The following ABCA1 variants were observed in gnomAD, a reference collection of about 807,000 sequenced individuals.
The protein encoded by ABCA1 is ATP binding cassette subfamily A member 1.
ABCA1 carries 133 observed loss-of-function variants against 262.5 expected under a neutral mutation model. That is an observed-to-expected ratio of 0.51 (90% CI 0.44 to 0.59). The LOEUF is 0.59. Among genes scored for constraint, ABCA1 ranks in the 20% least tolerant of loss-of-function variants. ABCA1 has a pLI of 0.00. For missense variants in ABCA1, 2,452 were observed against 2,777.5 expected, an observed-to-expected ratio of 0.88 and a Z score of 2.63; for synonymous variants, 1,022 against 1,043.5, an observed-to-expected ratio of 0.98 and a Z score of 0.40.
intron 5 of ABCA1, among the ~76,000 whole-genome samples, chr9:104,877,617 C>G (rs1838266854): frequency 6.6e-6 from 1 of 152,278 alleles, no homozygotes; most frequent in South Asian, 2.1e-4. Context: ...GAAGGGGAAG[C>G]AAAGCAACTC....
chr9:104,870,755 G>A (rs1004120293), intron 5 of ABCA1, among the ~76,000 whole-genome samples: 19 of 152,194 alleles, frequency 1.2e-4, no homozygotes, highest in African/African-American at 4.1e-4. Flanking sequence ...GGCTGAGTCC[G>A]AAAAGAGAGT....
chr9:104,883,244 A>G (rs1172171300), intron 4 of ABCA1, 87 bp from the exon 5 acceptor site: 2 of 1,203,842 alleles, frequency 1.7e-6, no homozygotes, highest in African/African-American at 3.0e-5. Context: ...AGTGCATAGA[A>G]CTCAGCCTGG....
chr9:104,859,015 G>C (rs957390687), intron 6 of ABCA1, among the ~76,000 whole-genome samples: 2 of 152,170 alleles, frequency 1.3e-5, no homozygotes, highest in Admixed American at 6.5e-5. Context: ...TTGGCAAACA[G>C]GAATCCAGAG....
intron 3 of ABCA1, among the ~76,000 whole-genome samples, chr9:104,886,745 G>T (rs1839213386): frequency 6.6e-6 from 1 of 152,214 alleles, no homozygotes; most frequent in Non-Finnish European, 1.5e-5. Context: ...GTAGGATCAG[G>T]ACTAGGCAGT....
intron 6 of ABCA1, among the ~76,000 whole-genome samples, chr9:104,859,856 G>A (rs1346045237): frequency 6.6e-6 from 1 of 152,068 alleles, no homozygotes; most frequent in East Asian, 1.9e-4. Flanking sequence ...TTCAAGACCA[G>A]TCTGGCCAAC....
chr9:104,889,630 A>G (rs952264749), intron 2 of ABCA1, among the ~76,000 whole-genome samples: 1 of 152,182 alleles, frequency 6.6e-6, no homozygotes, highest in Admixed American at 6.5e-5. Flanking sequence ...CTCTGAAAGC[A>G]GGCACCCATC....
chr9:104,927,554 G>C (rs1826450534), intron 1 of ABCA1: 2 of 152,408 alleles, frequency 1.3e-5, no homozygotes, highest in Non-Finnish European at 2.9e-5. Flanking sequence ...TTTCTAGCCA[G>C]CTCAGGGCCC....
At chr9:104,853,714 A>C (rs1038170957) in intron 7 of ABCA1, among the ~76,000 whole-genome samples, 2 of 152,220 alleles carry the variant, frequency 1.3e-5, no homozygotes, top group Non-Finnish European at 2.9e-5. Flanking sequence ...GTACATTAAA[A>C]ACCCTAATAG....
At chr9:104,786,734 A>G in intron 47 of ABCA1, 139 bp downstream of exon 47, 1 of 825,126 alleles carries the variant, frequency 1.2e-6, no homozygotes. Flanking sequence ...TTTTTGTAAG[A>G]ATATGCATAT....
intron 31 of ABCA1, 31 bp downstream of exon 31, chr9:104,806,210 T>C (rs1433554301): frequency 6.2e-7 from 1 of 1,609,008 alleles, no homozygotes. Flanking sequence ...CTGCACCCCT[T>C]CTGCCCAATC....
At chr9:104,803,988 G>A (rs1412684221) in intron 32 of ABCA1, among the ~76,000 whole-genome samples, 1 of 152,296 alleles carries the variant, frequency 6.6e-6, no homozygotes, top group East Asian at 1.9e-4. Flanking sequence ...GAAACTCATG[G>A]TCACTATCAC....
Position 104,781,985 on chromosome 9 carries a change from T to A in ABCA1, c.*2330A>T, listed in dbSNP as rs543756430. 2.1e-4 allele frequency: 32 copies of A among 152,182 alleles called. 1 individual carries two copies. The highest frequency in any genetic ancestry group is 3.9e-4 in the Admixed American group (6 of 15,286). 9.4% of individuals were successfully genotyped at this position (152,182 alleles called of 1,614,324 possible). On this transcript the variant is annotated 3_prime_UTR_variant, in exon 50 of 50. Coordinates refer to ENST00000374736, the MANE Select transcript of ABCA1 (RefSeq NM_005502.4). The stretch of plus-strand genomic sequence containing the variant: ...GTTTCTAGCTTCAGAAGAGGTCCTT[T>A]CAATCTGTATTAAAATGTTGTGTTT...
chr9:104,925,397 A>G (rs1826243614), intron 1 of ABCA1, among the ~76,000 whole-genome samples: 1 of 151,694 alleles, frequency 6.6e-6, no homozygotes, highest in Non-Finnish European at 1.5e-5. Flanking sequence ...AAATGTGCCC[A>G]GGGTCCATTA....
chr9:104,902,332 G>C (rs1840732402), intron 2 of ABCA1, among the ~76,000 whole-genome samples: 1 of 152,160 alleles, frequency 6.6e-6, no homozygotes, highest in Non-Finnish European at 1.5e-5. Flanking sequence ...AAACTCATGA[G>C]GATGGAACAG....
rs1319197671 is a variant in ABCA1, at chr9:104,836,966, G to T, written c.1311+14C>A. The T allele has an allele frequency of 1.3e-6, 2 of 1,598,624 alleles. No individual in the cohort carries two copies. Among genetic ancestry groups the T allele is most frequent in the Non-Finnish European group, 8.6e-7 (1 of 1,166,014 alleles). ...ATCAAGCAGGCACATGGTAATAATGGGAGGGACACTCACCCGGACAAGGTC... is the reference window on the plus strand; with the variant it reads ...ATCAAGCAGGCACATGGTAATAATGTGAGGGACACTCACCCGGACAAGGTC... On this transcript the variant is annotated intron_variant, in intron 11 of 49. Transcript: ENST00000374736.
chr9:104,864,061 C>T (rs1836859107), intron 5 of ABCA1, among the ~76,000 whole-genome samples: 1 of 152,168 alleles, frequency 6.6e-6, no homozygotes, highest in Admixed American at 6.6e-5. Flanking sequence ...CATTGTTTTA[C>T]TTGCATGTTG....
At chr9:104,834,661 C>T (rs1039262710) in intron 11 of ABCA1, among the ~76,000 whole-genome samples, 1 of 148,246 alleles carries the variant, frequency 6.7e-6, no homozygotes, top group Non-Finnish European at 1.5e-5. Context: ...GGGCAGGAGA[C>T]CTAAGACTGC....
intron 5 of ABCA1, among the ~76,000 whole-genome samples, chr9:104,864,005 A>G (rs1836853723): frequency 2.0e-5 from 3 of 152,210 alleles, no homozygotes; most frequent in Admixed American, 2.0e-4. Context: ...CATCCCTTAC[A>G]CTTTTAATGT....
intron 27 of ABCA1, among the ~76,000 whole-genome samples, chr9:104,813,454 C>T (rs1242733274): frequency 6.6e-6 from 1 of 152,134 alleles, no homozygotes; most frequent in Non-Finnish European, 1.5e-5. Context: ...ACTCTTGTTG[C>T]CCAGTCTGGA....
Sources: gnomAD v4.1 joint callset for allele counts (sites outside exome capture counted in the v4.1 genomes callset) on GRCh38, gnomAD v4.1.1 for gene constraint, MANE v1.5 for transcripts, NCBI Gene and HGNC (gene_info 2026-07-23, HGNC 2026-07-21) for gene names.